Variants in DCAF6 observed in about 807,000 individuals in gnomAD.
The protein encoded by DCAF6 is DDB1- and CUL4-associated factor 6.
A neutral mutation model predicts 125.1 loss-of-function variants in DCAF6; 54 were observed. That is an observed-to-expected ratio of 0.43 (90% CI 0.35 to 0.54). The LOEUF (loss-of-function observed/expected upper bound fraction) is 0.54. DCAF6 is among the 20% of genes least tolerant of loss of function. DCAF6 has a pLI of 0.01. For synonymous variants in DCAF6, 371 were observed against 390.4 expected (o/e 0.95, Z 0.58); for missense variants, 934 against 1,161.7 (o/e 0.80, Z 2.85).
the DCAF6 span, chr1:167,870,185 G>A: frequency 6.5e-7 from 1 of 1,548,960 alleles, no homozygotes; most frequent in Non-Finnish European, 8.9e-7. Flanking sequence ...GCAAGTTATA[G>A]GAAGGAGAGG....
intron 5 of DCAF6, among the ~76,000 whole-genome samples, chr1:167,989,379 G>A (rs977706085): frequency 1.3e-5 from 2 of 152,172 alleles, no homozygotes; most frequent in East Asian, 1.9e-4. Flanking sequence ...CTGATAAGAC[G>A]TGAAAGTAGT....
chr1:168,071,638 A>G (rs1252575820), intron 21 of DCAF6, among the ~76,000 whole-genome samples: 2 of 152,208 alleles, frequency 1.3e-5, no homozygotes, highest in Non-Finnish European at 2.9e-5. Flanking sequence ...TGTCTCAAAC[A>G]AAACCAAAAT....
intron 11 of DCAF6, among the ~76,000 whole-genome samples, chr1:168,016,651 T>G (rs1685012790): frequency 6.6e-6 from 1 of 152,130 alleles, no homozygotes; most frequent in African/African-American, 2.4e-5. Flanking sequence ...TGATGCTCAA[T>G]AAACATTTGT....
chr1:167,867,613 C>T, the DCAF6 span, among the ~76,000 whole-genome samples: 1 of 152,070 alleles, frequency 6.6e-6, no homozygotes, highest in Non-Finnish European at 1.5e-5. Flanking sequence ...CCAATGATCA[C>T]AGTTTTTTAA....
intron 11 of DCAF6, among the ~76,000 whole-genome samples, chr1:168,019,045 C>G (rs12736786): frequency 0.4 from 60,937 of 151,634 alleles, 12,821 homozygotes; most frequent in Admixed American, 0.51. Context: ...AATGTACTCT[C>G]TCTTTTTTTT....
At chr1:167,899,693 T>G in the DCAF6 span, 1 of 1,524,988 alleles carries the variant, frequency 6.6e-7, no homozygotes, top group Non-Finnish European at 9.0e-7. Context: ...CAGCACAGGT[T>G]TTTGGAAAAA....
the DCAF6 span, among the ~76,000 whole-genome samples, chr1:167,891,091 A>C: frequency 2.3e-4 from 35 of 152,042 alleles, no homozygotes. Flanking sequence ...CCTCCTGAGT[A>C]GCTGGGATTA....
chr1:167,950,654 A>G (rs776561770), intron 1 of DCAF6, among the ~76,000 whole-genome samples: 2 of 152,252 alleles, frequency 1.3e-5, no homozygotes, highest in Non-Finnish European at 2.9e-5. Context: ...GTGACAGTAT[A>G]CAGAAAGTAT....
the DCAF6 span, among the ~76,000 whole-genome samples, chr1:167,893,353 G>T: frequency 1.7e-4 from 26 of 152,296 alleles, no homozygotes; most frequent in African/African-American, 6.3e-4. Context: ...TTATAATTAT[G>T]AATAATGATC....
At chr1:167,958,337 T>G (rs1369210211) in intron 2 of DCAF6, among the ~76,000 whole-genome samples, 1 of 151,780 alleles carries the variant, frequency 6.6e-6, no homozygotes, top group Non-Finnish European at 1.5e-5. Context: ...TCCAAGGTGT[T>G]TTTTTTTGTT....
chr1:168,016,108 G>A (rs1446454519), intron 11 of DCAF6, among the ~76,000 whole-genome samples, 157 bp downstream of exon 11: 5 of 152,160 alleles, frequency 3.3e-5, no homozygotes, highest in African/African-American at 9.7e-5. Context: ...TCAACATCAC[G>A]TGTTAGGGGG....
At chr1:168,006,897 T>C (rs1428836648) in intron 10 of DCAF6, among the ~76,000 whole-genome samples, 1 of 152,194 alleles carries the variant, frequency 6.6e-6, no homozygotes, top group Non-Finnish European at 1.5e-5. Context: ...TGAACCTAAT[T>C]GTCTGCCTTC....
chr1:167,935,309 A>T (rs1278239719), upstream of DCAF6, among the ~76,000 whole-genome samples: 1 of 152,176 alleles, frequency 6.6e-6, no homozygotes, highest in Non-Finnish European at 1.5e-5. Flanking sequence ...GAAGAAAGTG[A>T]CCTTTACTCC....
At chr1:168,006,151 TGAGTA>T (rs1269261091) in intron 10 of DCAF6, among the ~76,000 whole-genome samples, 1 of 152,176 alleles carries the variant, frequency 6.6e-6, no homozygotes, top group East Asian at 1.9e-4. Flanking sequence ...AATATATTTA[TGAGTA>T]AAGTATTTGG....
chr1:168,075,421 G>A lies in DCAF6; in HGVS notation c.2842G>A (p.Glu948Lys). The A allele has an allele frequency of 4.4e-6, 7 of 1,600,638 alleles. No homozygotes were observed. The highest frequency in any genetic ancestry group is 1.3e-5 in the African/African-American group (1 of 74,456). Residue 948 changes from glutamate (E) to lysine (K), a missense_variant, in exon 22 of 22, where the codon GAG (glutamate) becomes AAG (lysine). By Grantham distance (56) the Glu-to-Lys change is moderately conservative (BLOSUM62 1). Around this residue, in one of 5 missense-constraint regions of DCAF6, gnomAD observed 36 missense variants for 39.8 expected, o/e 0.91. Transcript: ENST00000367840. Reference protein sequence around the residue: ...SEGSGQENENEDEE With the variant: ...SEGSGQENENKDEE ...AGGCTCTGGTCAAGAGAATGAAAAT[G>A]AGGATGAGGAATAATAAACTCTTTT...
At chr1:168,048,641 G>A (rs371072672) in intron 16 of DCAF6, among the ~76,000 whole-genome samples, 49 of 152,204 alleles carry the variant, frequency 3.2e-4, no homozygotes, top group African/African-American at 1.1e-3. Context: ...TTTTTAAATG[G>A]AATGCTCTTC....
At chr1:167,933,896 G>A (rs761441850), upstream of DCAF6, among the ~76,000 whole-genome samples, 7 of 152,172 alleles carry the variant, frequency 4.6e-5, no homozygotes, top group Non-Finnish European at 5.9e-5. Flanking sequence ...TGCAAACGCT[G>A]TGCTACATGT....
the DCAF6 span, among the ~76,000 whole-genome samples, chr1:167,919,403 A>T: frequency 3.9e-5 from 6 of 152,188 alleles, no homozygotes; most frequent in Admixed American, 2.6e-4. Context: ...TAGGTTTCTC[A>T]AAAGATCCTG....
the DCAF6 span, among the ~76,000 whole-genome samples, chr1:167,870,012 T>C: frequency 9.2e-5 from 14 of 152,204 alleles, no homozygotes; most frequent in African/African-American, 2.9e-4. Context: ...TGGGATTACT[T>C]AGGAAACTTT....
Sources: gnomAD v4.1 joint callset for allele counts (sites outside exome capture counted in the v4.1 genomes callset) on GRCh38, gnomAD v4.1.1 for gene constraint, gnomAD v4.1.1 regional missense constraint, MANE v1.5 for transcripts, NCBI Gene and HGNC (gene_info 2026-07-23, HGNC 2026-07-21) for gene names.